SLA2: variants seen among roughly 807,000 people sequenced by gnomAD.
The protein encoded by SLA2 is Src like adaptor 2.
In SLA2, 22 loss-of-function variants were observed where a neutral mutation model predicts 27.3. The observed-to-expected ratio is 0.81, with a 90% confidence interval of 0.58 to 1.15. The LOEUF (loss-of-function observed/expected upper bound fraction) is 1.15. Among genes scored for constraint, SLA2 ranks in the 50% most tolerant of loss-of-function variants. The probability of loss-of-function intolerance (pLI) is 0.00; values close to 1 mark genes in which losing one functional copy is unlikely to be tolerated. For synonymous variants in SLA2, 131 were observed against 137.8 expected (o/e 0.95, Z 0.34); for missense variants, 304 against 322.2 (o/e 0.94, Z 0.43).
At chr20:36,625,476 G>A (rs973272871) in intron 5 of SLA2, among the ~76,000 whole-genome samples, 2 of 151,880 alleles carry the variant, frequency 1.3e-5, no homozygotes, top group East Asian at 1.9e-4. Flanking sequence ...CCCCCGCCTC[G>A]GCCTCTCAAA....
Position 36,615,456 on chromosome 20 carries a change from A to G in SLA2, c.383-82T>C, listed in dbSNP as rs185740585. On this transcript the variant is annotated intron_variant, in intron 5 of 7. Coordinates refer to ENST00000262866, the MANE Select transcript of SLA2 (RefSeq NM_032214.4). ...CTAGGCTGGGAAACGAAGATAGGCA[A>G]CGTGACCATGGGGCCCCGGCAGAAG... 1.9e-5 allele frequency: 30 copies of G among 1,578,278 alleles called. No individual in the cohort carries two copies. The East Asian group carries it at 3.8e-4, about 20-fold the overall frequency.
At chr20:36,636,619 A>ATAT (rs1568609040) in intron 2 of SLA2, among the ~76,000 whole-genome samples, 25 of 126,920 alleles carry the variant, frequency 2.0e-4, no homozygotes, top group African/African-American at 8.5e-4. Context: ...AAGAAAAAAA[A>ATAT]AAAAATATAT....
At chr20:36,615,911 C>A (rs546081436) in intron 5 of SLA2, among the ~76,000 whole-genome samples, 1 of 152,104 alleles carries the variant, frequency 6.6e-6, no homozygotes, top group Non-Finnish European at 1.5e-5. Context: ...GCAAACAGCC[C>A]GTTTGTGCTC....
chr20:36,640,380 T>C (rs527683502), intron 2 of SLA2, among the ~76,000 whole-genome samples: 74 of 152,286 alleles, frequency 4.9e-4, no homozygotes, highest in Middle Eastern at 6.8e-3. Flanking sequence ...TCGGGTCCAC[T>C]AGGACAGTAT....
At chr20:36,620,074 G>A (rs2039264294) in intron 5 of SLA2, among the ~76,000 whole-genome samples, 1 of 151,654 alleles carries the variant, frequency 6.6e-6, no homozygotes, top group African/African-American at 2.4e-5. Context: ...CTGGGCGACA[G>A]AGCGAGATTC....
At position 36,614,183 on chromosome 20, in the gene SLA2, T is replaced by C. The variant is rs888075191; in HGVS notation, c.665+122A>G. 3.9e-6 allele frequency: 6 copies of C among 1,540,110 alleles called. No individual in the cohort carries two copies. In the African/African-American group the frequency reaches 8.2e-5, roughly 21 times the overall value. On this transcript the variant is annotated intron_variant, in intron 7 of 7. Coordinates refer to ENST00000262866, the MANE Select transcript of SLA2 (RefSeq NM_032214.4). The stretch of plus-strand genomic sequence containing the variant: ...TGCTCCAGGAGTTGAGTCAGTGCAC[T>C]CTGGCTCCAGCTGCCAGGTGTCCCT...
At chr20:36,625,923 A>C (rs946940061) in intron 5 of SLA2, among the ~76,000 whole-genome samples, 1 of 151,922 alleles carries the variant, frequency 6.6e-6, no homozygotes, top group African/African-American at 2.4e-5. Context: ...TCAGAAGTTC[A>C]AGACTAGCCT....
rs1600830849 is a variant in SLA2 at position 36,636,426 on chromosome 20, T to A, written c.92-1837A>T. Among the ~76,000 whole-genome samples, 3 of 61,228 alleles carry A rather than the reference T, an allele frequency of 4.9e-5. No individual in the cohort carries two copies. In the Admixed American group the frequency reaches 5.7e-4, roughly 12 times the overall value. 40.2% of individuals were successfully genotyped at this position (61,228 alleles called of 152,430 possible). A position where few individuals can be genotyped will look rare whatever the true frequency, so the allele number is the denominator to read the frequency against. On this transcript the variant is annotated intron_variant, in intron 2 of 7. Transcript: ENST00000262866. Reference sequence around the variant, plus strand: ...CTGGGCGACAGAGCAAGACTCCGTCTCAAAAAAAAAAAAAAAAAAAAATAC... The same window carrying A: ...CTGGGCGACAGAGCAAGACTCCGTCACAAAAAAAAAAAAAAAAAAAAATAC...
intron 5 of SLA2, among the ~76,000 whole-genome samples, chr20:36,618,191 A>G (rs1423429541): frequency 1.3e-5 from 2 of 152,070 alleles, no homozygotes; most frequent in Non-Finnish European, 2.9e-5. Context: ...GAAAAAAGAT[A>G]TATCATGCAG....
intron 2 of SLA2, among the ~76,000 whole-genome samples, chr20:36,634,847 T>C (rs567275551): frequency 2.2e-4 from 33 of 151,902 alleles, no homozygotes; most frequent in Admixed American, 2.0e-3. Context: ...TCTTGCTCCA[T>C]CACCACTGCA....
chr20:36,615,211 G>A lies in SLA2; in HGVS notation c.532+14C>T, dbSNP rs761303171. 6.2e-7 allele frequency: 1 copy of A among 1,614,076 alleles called. No individual in the cohort carries two copies. The highest frequency in any genetic ancestry group is 8.5e-7 in the Non-Finnish European group (1 of 1,180,014). ...CTATCCCAGCCTAGTCCTGGAGGCA[G>A]GGAAAGGCCATACCAGAGTAATGGT... On this transcript the variant is annotated intron_variant, in intron 6 of 7. Coordinates refer to ENST00000262866, the MANE Select transcript of SLA2 (RefSeq NM_032214.4).
intron 2 of SLA2, among the ~76,000 whole-genome samples, chr20:36,639,576 G>A (rs1042875981): frequency 2.0e-5 from 3 of 152,042 alleles, no homozygotes; most frequent in Non-Finnish European, 2.9e-5. Context: ...AATTGCGGCC[G>A]GGTGCAGTGG....
chr20:36,625,107 G>A (rs977195864), intron 5 of SLA2, among the ~76,000 whole-genome samples: 3 of 152,010 alleles, frequency 2.0e-5, no homozygotes, highest in African/African-American at 4.8e-5. Flanking sequence ...CATCACACTC[G>A]GGGAAATAAG....
intron 5 of SLA2, among the ~76,000 whole-genome samples, chr20:36,631,929 A>T (rs187924702): frequency 6.6e-6 from 1 of 152,296 alleles, no homozygotes. Context: ...AGTTAGGCAA[A>T]CGCGACGCCT....
intron 5 of SLA2, among the ~76,000 whole-genome samples, chr20:36,621,581 G>A (rs1450776452): frequency 1.5e-5 from 2 of 135,730 alleles, no homozygotes; most frequent in African/African-American, 5.2e-5. Flanking sequence ...AGCCGAGATC[G>A]CGCCACTGCA....
At chr20:36,632,773 C>T (rs527557361) in intron 4 of SLA2, 75 bp from the exon 5 acceptor site, 43 of 1,152,324 alleles carry the variant, frequency 3.7e-5, no homozygotes, top group Admixed American at 5.9e-5. Context: ...TTACCACCAC[C>T]GCTGAGTGAC....
At chr20:36,614,071 A>G in intron 7 of SLA2, 85 bp from the exon 8 acceptor site, 1 of 1,567,698 alleles carries the variant, frequency 6.4e-7, no homozygotes, top group Admixed American at 1.8e-5. Flanking sequence ...TGTTCTCAAA[A>G]CCCTTCACTC....
rs774530167 is a variant in SLA2, at chr20:36,633,563, G to T, written c.258C>A (p.His86Gln). ...CTCACCCATGGGAGACTTTGGCCAC[G>T]TGGACGCTGGGGATGTTATACTCTC... is the stretch of plus-strand genomic sequence containing the variant. ...SGREYNIPSV[H>Q]VAKVSHGWLY... Residue 86 changes from histidine (H) to glutamine (Q), a missense_variant, in exon 4 of 8, where the codon CAC becomes CAA. His to Gln is a conservative substitution (Grantham distance 24). Transcript: ENST00000262866. 1 of 1,614,050 alleles carries T rather than the reference G, an allele frequency of 6.2e-7. No homozygotes were observed. The highest frequency in any genetic ancestry group is 2.2e-5 in the East Asian group (1 of 44,862).
intron 5 of SLA2, among the ~76,000 whole-genome samples, chr20:36,626,973 T>TGATAGTCTGGGAAGGC (rs2039345759): frequency 1.4e-5 from 2 of 147,612 alleles, no homozygotes; most frequent in South Asian, 2.1e-4. Context: ...CCTGGGTAGG[T>TGATAGTCTGGGAAGGC]GATAGTCTGG....
Sources: gnomAD v4.1 joint callset for allele counts (sites outside exome capture counted in the v4.1 genomes callset) on GRCh38, gnomAD v4.1.1 for gene constraint, MANE v1.5 for transcripts, NCBI Gene and HGNC (gene_info 2026-07-23, HGNC 2026-07-21) for gene names.